CNOT10: variants seen among roughly 807,000 people sequenced by gnomAD.
CNOT10 encodes the protein CCR4-NOT transcription complex subunit 10.
In CNOT10, 30 loss-of-function variants were observed where a neutral mutation model predicts 94.6. The ratio of observed to expected loss-of-function variants is 0.32; its 90% CI spans 0.24 to 0.43. CNOT10 has a LOEUF of 0.43. CNOT10 is among the 20% of genes least tolerant of loss of function. CNOT10 has a pLI of 1.00. For synonymous variants in CNOT10, 289 were observed against 301.6 expected (o/e 0.96, Z 0.43); for missense variants, 759 against 877.2 (o/e 0.87, Z 1.70).
intron 4 of CNOT10, among the ~76,000 whole-genome samples, chr3:32,712,202 A>G (rs1348228090): frequency 1.3e-5 from 2 of 151,300 alleles, no homozygotes; most frequent in Non-Finnish European, 2.9e-5. Context: ...TAGAAAAGCA[A>G]TGTATTTCAT....
In CNOT10 at chr3:32,747,009, CG is replaced by C. The variant is rs1029012695; in HGVS notation, c.1595+9525del. On this transcript the variant is annotated intron_variant, in intron 13 of 18. Coordinates refer to ENST00000328834, the MANE Select transcript of CNOT10 (RefSeq NM_015442.3). ...GCAGGCACCTGTAATCCCAGCTACA[CG>C]GGGGGCTGAGGCAGGAGAATCACTT... Among the ~76,000 whole-genome samples the C allele has an allele frequency of 1.1e-4, 16 of 151,834 alleles. 1 individual carries two copies. The highest frequency in any genetic ancestry group is 1.1e-3 in the Admixed American group (16 of 15,214).
intron 13 of CNOT10, among the ~76,000 whole-genome samples, chr3:32,759,168 T>TAC (rs1306409773): frequency 3.5e-4 from 53 of 151,678 alleles, no homozygotes; most frequent in African/African-American, 1.1e-3. Flanking sequence ...TATCTATACA[T>TAC]ATATACATAC....
chr3:32,701,848 A>G (rs1289089298), intron 1 of CNOT10, among the ~76,000 whole-genome samples: 2 of 152,160 alleles, frequency 1.3e-5, no homozygotes, highest in African/African-American at 2.4e-5. Flanking sequence ...GCTAGAGTGC[A>G]GTGGTGCAAT....
At chr3:32,708,921 A>G (rs1697747832) in intron 4 of CNOT10, 101 bp downstream of exon 4, 2 of 880,932 alleles carry the variant, frequency 2.3e-6, no homozygotes, top group Non-Finnish European at 3.3e-6. Context: ...AGTCCATGCC[A>G]GTATTCAAAG....
intron 17 of CNOT10, among the ~76,000 whole-genome samples, chr3:32,767,519 CAA>C (rs10687739): frequency 1.9e-5 from 2 of 105,584 alleles, no homozygotes; most frequent in African/African-American, 3.7e-5. Flanking sequence ...AACTCTGTCT[CAA>C]AAAAAAAAAA....
At chr3:32,756,678 T>A (rs985929829) in intron 13 of CNOT10, among the ~76,000 whole-genome samples, 1 of 152,220 alleles carries the variant, frequency 6.6e-6, no homozygotes, top group Non-Finnish European at 1.5e-5. Flanking sequence ...GAAAGCTGTG[T>A]TTCTTTAACA....
chr3:32,750,224 G>A, intron 13 of CNOT10, among the ~76,000 whole-genome samples: 1 of 152,198 alleles, frequency 6.6e-6, no homozygotes, highest in East Asian at 1.9e-4. Flanking sequence ...CCTGGGCACA[G>A]TGACTCATGC....
chr3:32,708,966 A>T, intron 4 of CNOT10, 146 bp downstream of exon 4: 1 of 602,400 alleles, frequency 1.7e-6, no homozygotes, highest in Non-Finnish European at 2.7e-6. Context: ...TGGTTAGAAA[A>T]GATAAAAATG....
intron 13 of CNOT10, among the ~76,000 whole-genome samples, chr3:32,738,588 G>A (rs1041100260): frequency 4.0e-5 from 6 of 150,160 alleles, no homozygotes; most frequent in East Asian, 2.0e-4. Context: ...TCAACCTCCC[G>A]AGTAGCTGGG....
chr3:32,702,016 C>T (rs1272677307), intron 1 of CNOT10, among the ~76,000 whole-genome samples: 2 of 151,526 alleles, frequency 1.3e-5, no homozygotes, highest in Non-Finnish European at 1.5e-5. Context: ...GCCAGTATGG[C>T]CTCGATCTCC....
rs767151210 is a variant in CNOT10 at position 32,773,452 on chromosome 3, T to G, written c.2081-5T>G. 13 of 1,606,664 alleles carry G rather than the reference T, an allele frequency of 8.1e-6. No individual in the cohort carries two copies. The highest frequency in any genetic ancestry group is 1.1e-5 in the Non-Finnish European group (13 of 1,176,766). On this transcript the variant is annotated splice_polypyrimidine_tract_variant and splice_region_variant and intron_variant, in intron 18 of 18. Transcript: ENST00000328834. ...TTTGTTTTTTAACGGGAAGTGTTTT[T>G]ATAGGTAATACTCAGCTGGCCTTAC...
intron 1 of CNOT10, among the ~76,000 whole-genome samples, chr3:32,697,628 G>A (rs1413710309): frequency 6.6e-6 from 1 of 151,986 alleles, no homozygotes; most frequent in Non-Finnish European, 1.5e-5. Flanking sequence ...ATGCCACTAT[G>A]CCTGGCTAAT....
intron 13 of CNOT10, among the ~76,000 whole-genome samples, chr3:32,745,122 G>T (rs1269762084): frequency 6.6e-6 from 1 of 151,880 alleles, no homozygotes; most frequent in Non-Finnish European, 1.5e-5. Context: ...CAAGCGATCC[G>T]CCCATCTTGG....
At chr3:32,759,601 G>A in intron 14 of CNOT10, 30 bp downstream of exon 14, 1 of 1,503,944 alleles carries the variant, frequency 6.6e-7, no homozygotes, top group Non-Finnish European at 9.2e-7. Flanking sequence ...TGTGTCCCTG[G>A]TTTCTTTAGT....
intron 13 of CNOT10, among the ~76,000 whole-genome samples, chr3:32,747,953 C>G (rs1337960317): frequency 2.6e-5 from 4 of 151,344 alleles, no homozygotes; most frequent in Non-Finnish European, 5.9e-5. Context: ...TCCCAACGCT[C>G]CCCCCACCTC....
At chr3:32,697,157 C>T (rs1697112563) in intron 1 of CNOT10, among the ~76,000 whole-genome samples, 1 of 151,986 alleles carries the variant, frequency 6.6e-6, no homozygotes, top group South Asian at 2.1e-4. Context: ...ACCATGTTGG[C>T]CAGGCTGGTC....
chr3:32,689,729 G>A (rs533399728), intron 1 of CNOT10, among the ~76,000 whole-genome samples: 64 of 152,296 alleles, frequency 4.2e-4, no homozygotes, highest in Non-Finnish European at 1.3e-4. Context: ...TGAGGTGGGA[G>A]AATCGCTTGA....
chr3:32,739,186 A>G lies in CNOT10; in HGVS notation c.1595+1696A>G, dbSNP rs572918947. On this transcript the variant is annotated intron_variant, in intron 13 of 18. Transcript: ENST00000328834. ...CTCCCAAAGTTTTGGGATTACAGGC[A>G]TGAGCCACTGCGCCCGGCCAGTTTT... is the stretch of plus-strand genomic sequence containing the variant. Among the ~76,000 whole-genome samples, 8 of 152,294 alleles carry G rather than the reference A, an allele frequency of 5.3e-5. No homozygotes were observed. The South Asian group carries it at 1.7e-3, about 32-fold the overall frequency.
intron 1 of CNOT10, among the ~76,000 whole-genome samples, chr3:32,685,875 T>C: frequency 6.6e-6 from 1 of 152,182 alleles, no homozygotes; most frequent in African/African-American, 2.4e-5. Flanking sequence ...TCACCTGGGC[T>C]GTTTTGACCA....
Sources: allele counts gnomAD v4.1 joint callset (sites outside exome capture counted in the v4.1 genomes callset), GRCh38; gene constraint gnomAD v4.1.1; transcripts MANE v1.5; gene names NCBI Gene and HGNC (gene_info 2026-07-23, HGNC 2026-07-21).